Variants in CACNA1D observed in about 807,000 individuals in gnomAD.
CACNA1D encodes calcium voltage-gated channel subunit alpha1 D.
CACNA1D carries 55 observed loss-of-function variants against 257.1 expected under a neutral mutation model. The observed-to-expected ratio is 0.21, with a 90% CI of 0.17 to 0.27. CACNA1D has a LOEUF of 0.27. CACNA1D is among the 10% of genes least tolerant of loss of function. CACNA1D has a pLI of 1.00. For synonymous variants in CACNA1D, 980 were observed against 1,014.9 expected, an observed-to-expected ratio of 0.97 and a Z score of 0.65; for missense variants, 1,876 against 2,784.0, an observed-to-expected ratio of 0.67 and a Z score of 7.34.
In CACNA1D at chr3:53,528,983, T is replaced by C. The variant is rs757768539; in HGVS notation, c.483+27263T>C. ...TTGTTTCTTCCATTCTAATACTTATTTATGTATATATGTATGTATGTATTT... is the reference window on the plus strand; with the variant it reads ...TTGTTTCTTCCATTCTAATACTTATCTATGTATATATGTATGTATGTATTT... On this transcript the variant is annotated intron_variant, in intron 3 of 47. Coordinates refer to ENST00000350061, the MANE Select transcript of CACNA1D (RefSeq NM_001128840.3). Among the ~76,000 whole-genome samples, 98 of 152,192 alleles carry C rather than the reference T, an allele frequency of 6.4e-4. 1 individual carries two copies. The highest frequency in any genetic ancestry group is 1.1e-3 in the Non-Finnish European group (74 of 68,030).
intron 2 of CACNA1D, among the ~76,000 whole-genome samples, chr3:53,500,032 T>A (rs2090524738): frequency 6.6e-6 from 1 of 152,028 alleles, no homozygotes; most frequent in Admixed American, 6.5e-5. Context: ...GGAATAATGT[T>A]ATTCATTGCC....
At chr3:53,693,464 T>TA (rs200832071) in intron 8 of CACNA1D, among the ~76,000 whole-genome samples, 6 of 113,280 alleles carry the variant, frequency 5.3e-5, no homozygotes, top group African/African-American at 1.3e-4. Context: ...TGCTGTTATT[T>TA]TTTTTTTTTT....
At chr3:53,595,445 A>G (rs1424908806) in intron 3 of CACNA1D, among the ~76,000 whole-genome samples, 1 of 152,212 alleles carries the variant, frequency 6.6e-6, no homozygotes, top group Non-Finnish European at 1.5e-5. Flanking sequence ...CACCCACAGT[A>G]TAGGGTTGCC....
chr3:53,774,535 T>C lies in CACNA1D; in HGVS notation c.4111-52T>C. 9.0e-7 allele frequency: 1 copy of C among 1,114,024 alleles called. No individual in the cohort carries two copies. The highest frequency in any genetic ancestry group is 1.2e-5 in the South Asian group (1 of 81,034). 69.0% of individuals were successfully genotyped at this position (1,114,024 alleles called of 1,614,324 possible). A position where few individuals can be genotyped will look rare whatever the true frequency, so the allele number is the denominator to read the frequency against. On this transcript the variant is annotated intron_variant, in intron 33 of 47. Coordinates refer to ENST00000350061, the MANE Select transcript of CACNA1D (RefSeq NM_001128840.3). This position sits in a 1 kb window ranked among gnomAD's most constrained non-coding sequence, Gnocchi z 4.3. The stretch of plus-strand genomic sequence containing the variant: ...TTAGTTCTAAATTCACATACGGATT[T>C]TTTTTGCATGACGAAATCTATTCTC...
rs981004402 is a variant in CACNA1D, at chr3:53,574,913, T to C, written c.483+73193T>C. Among the ~76,000 whole-genome samples the C allele has an allele frequency of 9.2e-5, 14 of 152,340 alleles. No individual in the cohort carries two copies. The South Asian group carries it at 2.7e-3, about 29-fold the overall frequency. On this transcript the variant is annotated intron_variant, in intron 3 of 47. Coordinates refer to ENST00000350061, the MANE Select transcript of CACNA1D (RefSeq NM_001128840.3). ...TCAGACCAACGTGACAGGCTCCTGC[T>C]CATCACGTGAGTTGCCCTGGATTCC...
chr3:53,562,519 A>G (rs2092758131), intron 3 of CACNA1D, among the ~76,000 whole-genome samples: 3 of 152,188 alleles, frequency 2.0e-5, no homozygotes, highest in Admixed American at 6.5e-5. Context: ...TATTTTTTAT[A>G]GCTGTATTGA....
chr3:53,541,684 C>T (rs188195275), intron 3 of CACNA1D, among the ~76,000 whole-genome samples: 115 of 152,240 alleles, frequency 7.6e-4, no homozygotes, highest in Non-Finnish European at 1.3e-3. Context: ...ATCTGTTTTT[C>T]TTCAGATGTT....
intron 21 of CACNA1D, among the ~76,000 whole-genome samples, chr3:53,742,670 T>C (rs960961866): frequency 2.6e-5 from 4 of 152,158 alleles, no homozygotes; most frequent in African/African-American, 7.2e-5. Flanking sequence ...GGAAGTGGGC[T>C]CTCCGGACAG....
At chr3:53,672,805 T>C (rs905159073) in intron 7 of CACNA1D, among the ~76,000 whole-genome samples, 2 of 147,722 alleles carry the variant, frequency 1.4e-5, no homozygotes, top group African/African-American at 2.5e-5. Flanking sequence ...TGTGTGTGTG[T>C]GTGTGTGTGT....
intron 8 of CACNA1D, among the ~76,000 whole-genome samples, chr3:53,691,537 GC>G (rs1008540474): frequency 2.7e-5 from 4 of 150,468 alleles, no homozygotes; most frequent in African/African-American, 9.8e-5. Flanking sequence ...GTCTTTTGTA[GC>G]CATGGAAACT....
intron 3 of CACNA1D, among the ~76,000 whole-genome samples, chr3:53,628,315 T>C (rs2093783023): frequency 6.6e-6 from 1 of 152,192 alleles, no homozygotes; most frequent in Non-Finnish European, 1.5e-5. Flanking sequence ...AGGACAGATG[T>C]TAAGTATTCT....
chr3:53,549,398 C>T (rs545490220), intron 3 of CACNA1D, among the ~76,000 whole-genome samples: 8 of 152,294 alleles, frequency 5.3e-5, no homozygotes, highest in African/African-American at 1.9e-4. Flanking sequence ...GAACCCAACT[C>T]TTGGTAGACT....
intron 3 of CACNA1D, among the ~76,000 whole-genome samples, chr3:53,563,556 T>G (rs1185206094): frequency 5.7e-5 from 8 of 139,236 alleles, no homozygotes; most frequent in African/African-American, 1.1e-4. Flanking sequence ...AAAAAAAAAG[T>G]GCTTATCTTT....
intron 10 of CACNA1D, 150 bp downstream of exon 10, chr3:53,718,538 C>A: frequency 9.6e-7 from 1 of 1,038,444 alleles, no homozygotes; most frequent in Non-Finnish European, 1.4e-6. Flanking sequence ...GCCACGCTTC[C>A]TCCTGTGCCA....
At chr3:53,507,363 C>T (rs150459174) in intron 3 of CACNA1D, among the ~76,000 whole-genome samples, 2 of 151,616 alleles carry the variant, frequency 1.3e-5, no homozygotes, top group African/African-American at 2.4e-5. Flanking sequence ...AATCCCAGCA[C>T]TTTGGGACAC....
At chr3:53,710,282 G>T (rs986227727) in intron 9 of CACNA1D, 2 of 417,604 alleles carry the variant, frequency 4.8e-6, no homozygotes, top group Admixed American at 2.6e-5. Flanking sequence ...GCAGGCGGGC[G>T]TCCATTGCGT....
intron 3 of CACNA1D, among the ~76,000 whole-genome samples, chr3:53,626,619 G>T (rs1302983170): frequency 9.9e-5 from 15 of 152,148 alleles, no homozygotes; most frequent in African/African-American, 3.1e-4. Flanking sequence ...GTGTCACTGT[G>T]AGGGGAAAGG....
chr3:53,561,436 C>T (rs1012839191), intron 3 of CACNA1D, among the ~76,000 whole-genome samples: 2 of 152,142 alleles, frequency 1.3e-5, no homozygotes, highest in East Asian at 1.9e-4. Flanking sequence ...GTTTATTTCT[C>T]TGTCATGGTA....
chr3:53,643,435 C>T (rs557358428), intron 3 of CACNA1D, among the ~76,000 whole-genome samples: 5 of 151,720 alleles, frequency 3.3e-5, no homozygotes, highest in Non-Finnish European at 2.9e-5. Flanking sequence ...CGTGTAGGGT[C>T]GTGAGTGGGA....
Sources: allele counts gnomAD v4.1 joint callset (sites outside exome capture counted in the v4.1 genomes callset), GRCh38; gene constraint gnomAD v4.1.1; non-coding constraint Gnocchi (gnomAD v3.1); transcripts MANE v1.5; gene names NCBI Gene and HGNC (gene_info 2026-07-23, HGNC 2026-07-21).